The following THAP4 variants were observed in gnomAD, a reference collection of about 807,000 sequenced individuals.
The protein encoded by THAP4 is peroxynitrite isomerase THAP4.
THAP4 carries 18 observed loss-of-function variants against 48.1 expected under a neutral mutation model. That is an observed-to-expected ratio of 0.37 (90% CI 0.26 to 0.56). The LOEUF (loss-of-function observed/expected upper bound fraction) is 0.56. Among genes scored for constraint, THAP4 ranks in the 20% least tolerant of loss-of-function variants. THAP4 has a pLI of 0.78. For synonymous variants in THAP4, 345 were observed against 324.9 expected (o/e 1.06, Z -0.66); for missense variants, 656 against 774.9 (o/e 0.85, Z 1.82).
intron 2 of THAP4, among the ~76,000 whole-genome samples, chr2:241,625,095 G>A (rs764746247): frequency 6.6e-6 from 1 of 152,170 alleles, no homozygotes; most frequent in Non-Finnish European, 1.5e-5. Flanking sequence ...AGGAAGAAAT[G>A]AAACCAGAAA....
At chr2:241,622,337 C>T (rs1486059341) in intron 2 of THAP4, among the ~76,000 whole-genome samples, 1 of 152,110 alleles carries the variant, frequency 6.6e-6, no homozygotes, top group African/African-American at 2.4e-5. Flanking sequence ...CACTGCACCC[C>T]AGCCTGGCGA....
chr2:241,633,950 C>T lies in THAP4; in HGVS notation c.207G>A (p.Leu69=). ...GCTTCAGCAGGCGATGCTGGTCCTC[C>T]AGCCTCTTGGAGAAGCTGTCTTTGG... ...HFTKDSFSKR[L]EDQHRLLKPT... Residue 69 remains leucine, a synonymous_variant, in exon 2 of 6, where the codon CTG becomes CTA. Coordinates refer to ENST00000407315, the MANE Select transcript of THAP4 (RefSeq NM_015963.6). The surrounding 1 kb of genome is among the most constrained non-coding windows in gnomAD (Gnocchi z 7.5). The T allele has an allele frequency of 6.2e-7, 1 of 1,614,160 alleles. No individual in the cohort carries two copies. The highest frequency in any genetic ancestry group is 8.5e-7 in the Non-Finnish European group (1 of 1,180,042).
Position 241,637,050 on chromosome 2 carries a change from C to A in THAP4, c.-33G>T. 8.7e-7 allele frequency: 1 copy of A among 1,152,690 alleles called. No individual in the cohort carries two copies. Among genetic ancestry groups the A allele is most frequent in the Non-Finnish European group, 1.1e-6 (1 of 925,864 alleles). 71.4% of individuals were successfully genotyped at this position (1,152,690 alleles called of 1,614,324 possible). On this transcript the variant is annotated 5_prime_UTR_variant, in exon 1 of 6. Coordinates refer to ENST00000407315, the MANE Select transcript of THAP4 (RefSeq NM_015963.6). ...CTTGGCCCAGCCGCGCAGCCAGGCC[C>A]CGGCCCTAGCCGCCCGCCCGCCCGC...
Position 241,610,831 on chromosome 2 carries a change from C to G in THAP4, c.1241-4358G>C, listed in dbSNP as rs1483643506. The stretch of plus-strand genomic sequence containing the variant: ...GCGAGAGACGGGACGGGGACAGAGA[C>G]ACAGAGACAGAGAGACAGGGCCAGA... On this transcript the variant is annotated intron_variant, in intron 2 of 5. Coordinates refer to ENST00000407315, the MANE Select transcript of THAP4 (RefSeq NM_015963.6). The surrounding 1 kb of genome is among the most constrained non-coding windows in gnomAD (Gnocchi z 4.2). Among the ~76,000 whole-genome samples the G allele has an allele frequency of 6.6e-6, 1 of 150,972 alleles. No homozygotes were observed. The highest frequency in any genetic ancestry group is 2.5e-5 in the African/African-American group (1 of 40,614).
intron 2 of THAP4, among the ~76,000 whole-genome samples, chr2:241,608,982 T>C (rs1559225558): frequency 6.6e-6 from 1 of 152,104 alleles, no homozygotes; most frequent in Non-Finnish European, 1.5e-5. Context: ...AGGAGGCCAG[T>C]GTGGCCAGGG....
At chr2:241,632,417 T>C (rs1343677276) in intron 2 of THAP4, among the ~76,000 whole-genome samples, 1 of 152,136 alleles carries the variant, frequency 6.6e-6, no homozygotes, top group African/African-American at 2.4e-5. Context: ...ATGTTTTAAT[T>C]GAATAGATGT....
chr2:241,637,031 C>T lies in THAP4; in HGVS notation c.-14G>A. 1 of 1,251,390 alleles carries T rather than the reference C, an allele frequency of 8.0e-7. No individual in the cohort carries two copies. Among genetic ancestry groups the T allele is most frequent in the African/African-American group, 1.6e-5 (1 of 63,262 alleles). The allele number at this position is 1,251,390 out of a possible 1,614,324, so 77.5% of individuals were successfully genotyped here. ...GCAGATCACCATCGCGGGCCTTGGC[C>T]CAGCCGCGCAGCCAGGCCCCGGCCC... On this transcript the variant is annotated 5_prime_UTR_variant, in exon 1 of 6. Transcript: ENST00000407315.
intron 2 of THAP4, among the ~76,000 whole-genome samples, chr2:241,614,032 T>C (rs2067309350): frequency 6.6e-6 from 1 of 151,934 alleles, no homozygotes; most frequent in South Asian, 2.1e-4. Flanking sequence ...TGCGTGTCTG[T>C]AGCCCCCGCT....
At chr2:241,593,044 AC>A (rs2067005376) in intron 5 of THAP4, among the ~76,000 whole-genome samples, 1 of 152,122 alleles carries the variant, frequency 6.6e-6, no homozygotes, top group Admixed American at 6.5e-5. Flanking sequence ...TGAGTTTGAG[AC>A]CAGCCTGAGC....
intron 2 of THAP4, among the ~76,000 whole-genome samples, chr2:241,632,638 G>A (rs1210200384): frequency 5.3e-5 from 8 of 152,280 alleles, no homozygotes; most frequent in African/African-American, 1.4e-4. Flanking sequence ...CACTCTCCAC[G>A]GAGGCGTTCA....
At chr2:241,609,108 G>A (rs151112981) in intron 2 of THAP4, among the ~76,000 whole-genome samples, 2 of 152,264 alleles carry the variant, frequency 1.3e-5, no homozygotes, top group African/African-American at 4.8e-5. Flanking sequence ...GGAAGCCAGG[G>A]AGGGCAATGG....
rs527425568 is a variant in THAP4 at position 241,610,760 on chromosome 2, G to A, written c.1241-4287C>T. ...GCGCTCCTCAGAGGGGACCGGAGAG[G>A]AGGCGCTCCTTAAATGGGGAAGAAA... On this transcript the variant is annotated intron_variant, in intron 2 of 5. Transcript: ENST00000407315. The surrounding 1 kb of genome is among the most constrained non-coding windows in gnomAD (Gnocchi z 4.2). Among the ~76,000 whole-genome samples the A allele has an allele frequency of 4.3e-4, 66 of 152,206 alleles. No individual in the cohort carries two copies. Among genetic ancestry groups the A allele is most frequent in the Non-Finnish European group, 1.2e-4 (8 of 68,008 alleles).
At position 241,628,925 on chromosome 2, in the gene THAP4, C is replaced by CAAAAAA. The variant is rs34034619; in HGVS notation, c.1240+3986_1240+3991dup. ...ACTGCACTCCAGTCTGAGATTGTCTCAAAAAAAAAAAAAAAAAAAAAAAGT... is the reference window on the plus strand; with the variant it reads ...ACTGCACTCCAGTCTGAGATTGTCTCAAAAAAAAAAAAAAAAAAAAAAAAAAAAAGT... On this transcript the variant is annotated intron_variant, in intron 2 of 5. Transcript: ENST00000407315. Among the ~76,000 whole-genome samples, 6 of 64,338 alleles carry CAAAAAA rather than the reference C, an allele frequency of 9.3e-5. No individual in the cohort carries two copies. In the South Asian group the frequency reaches 2.4e-3, roughly 26 times the overall value. The allele number at this position is 64,338 out of a possible 152,430, so 42.2% of individuals were successfully genotyped here.
At chr2:241,584,811 C>T in intron 5 of THAP4, 86 bp from the exon 6 acceptor site, 1 of 1,541,896 alleles carries the variant, frequency 6.5e-7, no homozygotes, top group South Asian at 1.1e-5. Flanking sequence ...ATGCCACACA[C>T]TCATCACGGG....
chr2:241,594,919 C>T (rs2067029741), intron 5 of THAP4, among the ~76,000 whole-genome samples: 1 of 152,150 alleles, frequency 6.6e-6, no homozygotes, highest in South Asian at 2.1e-4. Flanking sequence ...GATAAATGTT[C>T]TGAAATTAAC....
chr2:241,607,944 A>G (rs2067207099), intron 2 of THAP4, among the ~76,000 whole-genome samples: 1 of 142,564 alleles, frequency 7.0e-6, no homozygotes, highest in South Asian at 2.4e-4. Flanking sequence ...CGTCTCCTCC[A>G]GGCCCGCAAA....
chr2:241,625,473 C>A (rs1312486570), intron 2 of THAP4, among the ~76,000 whole-genome samples: 5 of 125,948 alleles, frequency 4.0e-5, no homozygotes, highest in Non-Finnish European at 6.4e-5. Flanking sequence ...CAGAGTGAGA[C>A]ACTGTCTCAA....
At chr2:241,588,167 A>C (rs974503343) in intron 5 of THAP4, among the ~76,000 whole-genome samples, 2 of 152,196 alleles carry the variant, frequency 1.3e-5, no homozygotes, top group African/African-American at 4.8e-5. Context: ...ACTTGCAACA[A>C]ATAAGTGGAA....
chr2:241,637,519 C>T, upstream of THAP4: 1 of 1,439,082 alleles, frequency 6.9e-7, no homozygotes, highest in Non-Finnish European at 9.1e-7. Flanking sequence ...ATGCCGCCCG[C>T]AGGGCGCCCC....
Sources: gnomAD v4.1 joint callset for allele counts (sites outside exome capture counted in the v4.1 genomes callset) on GRCh38, gnomAD v4.1.1 for gene constraint, Gnocchi (gnomAD v3.1) non-coding constraint, MANE v1.5 for transcripts, NCBI Gene and HGNC (gene_info 2026-07-23, HGNC 2026-07-21) for gene names.